Variants in MMAA observed in about 807,000 individuals in gnomAD.
MMAA encodes methylmalonic aciduria type A protein, mitochondrial.
A neutral mutation model predicts 45.0 loss-of-function variants in MMAA; 41 were observed. That is an observed-to-expected ratio of 0.91 (90% confidence interval 0.71 to 1.18). The LOEUF is 1.18. Ranked by LOEUF, MMAA falls within the 50% of genes most tolerant of loss-of-function variation. The pLI is 0.00. For synonymous variants in MMAA, 154 were observed against 178.2 expected, an observed-to-expected ratio of 0.86 and a Z score of 1.08; for missense variants, 460 against 495.7, an observed-to-expected ratio of 0.93 and a Z score of 0.68.
intron 4 of MMAA, 151 bp from the exon 5 acceptor site, chr4:145,650,910 AT>A: frequency 1.4e-6 from 1 of 721,616 alleles, no homozygotes; most frequent in Middle Eastern, 2.5e-4. Context: ...CATTTAATAC[AT>A]TCTTCAGAAG....
At chr4:145,630,342 T>C (rs995500940) in intron 1 of MMAA, among the ~76,000 whole-genome samples, 1 of 152,244 alleles carries the variant, frequency 6.6e-6, no homozygotes, top group African/African-American at 2.4e-5. Flanking sequence ...GTGCCAGTTG[T>C]AATGTCTCCT....
chr4:145,640,230 A>C (rs928949038), intron 2 of MMAA, among the ~76,000 whole-genome samples: 1 of 151,628 alleles, frequency 6.6e-6, no homozygotes, highest in Non-Finnish European at 1.5e-5. Flanking sequence ...CTCCTGCCTC[A>C]GCCTCCCGAG....
At chr4:145,646,569 G>A (rs1727932669) in intron 4 of MMAA, 1 of 214,530 alleles carries the variant, frequency 4.7e-6, no homozygotes, top group South Asian at 7.5e-5. Context: ...TATATCCTTA[G>A]CATATAGTTA....
intron 1 of MMAA, chr4:145,624,343 A>T (rs538640796): frequency 1.3e-6 from 1 of 786,746 alleles, no homozygotes; most frequent in East Asian, 2.4e-5. Context: ...TCTTCTCCAG[A>T]GGATAGCTGG....
chr4:145,655,623 C>G lies in MMAA; in HGVS notation c.*189C>G. Reference sequence around the variant, plus strand: ...AAAGTTAGGCAGTATTTATAAGGTACCTGTTTTATGTTACTGATATCTGTT... The same window carrying G: ...AAAGTTAGGCAGTATTTATAAGGTAGCTGTTTTATGTTACTGATATCTGTT... On this transcript the variant is annotated 3_prime_UTR_variant, in exon 7 of 7. Coordinates refer to ENST00000649156, the MANE Select transcript of MMAA (RefSeq NM_172250.3). 1.8e-6 allele frequency: 1 copy of G among 569,498 alleles called. No homozygotes were observed. Among genetic ancestry groups the G allele is most frequent in the Non-Finnish European group, 3.0e-6 (1 of 329,748 alleles). 35.3% of individuals were successfully genotyped at this position (569,498 alleles called of 1,614,324 possible). A position where few individuals can be genotyped will look rare whatever the true frequency, so the allele number is the denominator to read the frequency against.
intron 2 of MMAA, among the ~76,000 whole-genome samples, chr4:145,640,512 G>A (rs1727753515): frequency 6.6e-6 from 1 of 151,886 alleles, no homozygotes; most frequent in Admixed American, 6.6e-5. Flanking sequence ...ATCATCCTTG[G>A]CTAATTTTTT....
intron 3 of MMAA, among the ~76,000 whole-genome samples, chr4:145,645,455 A>T (rs1727902156): frequency 6.6e-6 from 1 of 152,232 alleles, no homozygotes; most frequent in Non-Finnish European, 1.5e-5. Context: ...TCCCAGTAGC[A>T]TATTACCCTT....
rs60186480 is a variant in MMAA at position 145,658,052 on chromosome 4, CCTCA to C, written c.*2622_*2625del. ...TAAAAGTGTGTGGCATCTCCCCATCCCTCACTCTATCACTTGCTCCTACTTTCGT... is the reference window on the plus strand; with the variant it reads ...TAAAAGTGTGTGGCATCTCCCCATCCCTCTATCACTTGCTCCTACTTTCGT... On this transcript the variant is annotated 3_prime_UTR_variant, in exon 7 of 7. Transcript: ENST00000649156. The C allele has an allele frequency of 0.16, 24,307 of 152,150 alleles. 2,320 individuals carry two copies. Among genetic ancestry groups the C allele is most frequent in the African/African-American group, 0.26 (10,951 of 41,388 alleles). The allele number at this position is 152,150 out of a possible 1,614,324, so 9.4% of individuals were successfully genotyped here. A position where few individuals can be genotyped will look rare whatever the true frequency, so the allele number is the denominator to read the frequency against.
intron 3 of MMAA, among the ~76,000 whole-genome samples, chr4:145,643,358 T>C (rs977238953): frequency 6.6e-6 from 1 of 152,206 alleles, no homozygotes; most frequent in Non-Finnish European, 1.5e-5. Context: ...TTACATCTTA[T>C]GCAGGAAACA....
Position 145,651,085 on chromosome 4 carries a change from G to A in MMAA, c.757G>A (p.Val253Ile), listed in dbSNP as rs748145761. ...TVGVGQSEFA[V>I]ADMVDMFVLL... ...AGGTGTGGGTCAGTCGGAGTTTGCT[G>A]TTGCTGACATGGTTGACATGTTTGT... The change falls in exon 5 of 7, where the codon GTT becomes ATT. Residue 253 changes from valine (V) to isoleucine (I), a missense_variant. Coordinates refer to ENST00000649156, the MANE Select transcript of MMAA (RefSeq NM_172250.3). 1.2e-6 allele frequency: 2 copies of A among 1,614,174 alleles called. No individual in the cohort carries two copies. The highest frequency in any genetic ancestry group is 1.7e-5 in the Admixed American group (1 of 60,022).
At chr4:145,649,508 A>G (rs574378756) in intron 4 of MMAA, among the ~76,000 whole-genome samples, 2 of 152,346 alleles carry the variant, frequency 1.3e-5, no homozygotes, top group African/African-American at 4.8e-5. Context: ...GGAAAGGGAA[A>G]TAAGGAAGCA....
rs1407894434 is a variant in MMAA, at chr4:145,656,762, T to G, written c.*1328T>G. 6.6e-6 allele frequency: 1 copy of G among 152,220 alleles called. No homozygotes were observed. The highest frequency in any genetic ancestry group is 1.5e-5 in the Non-Finnish European group (1 of 68,018). 9.4% of individuals were successfully genotyped at this position (152,220 alleles called of 1,614,324 possible). A position where few individuals can be genotyped will look rare whatever the true frequency, so the allele number is the denominator to read the frequency against. On this transcript the variant is annotated 3_prime_UTR_variant, in exon 7 of 7. Coordinates refer to ENST00000649156, the MANE Select transcript of MMAA (RefSeq NM_172250.3). ...TTATAGAAGTTTCTAACATATTCTA[T>G]TCTGAACCCTGTAGAATATTTTATG...
chr4:145,635,691 A>G (rs191643767), intron 1 of MMAA, among the ~76,000 whole-genome samples: 2 of 152,286 alleles, frequency 1.3e-5, no homozygotes, highest in East Asian at 3.9e-4. Flanking sequence ...TTGCTCTTAG[A>G]CTACATATGA....
At chr4:145,641,082 C>T (rs955810948) in intron 2 of MMAA, among the ~76,000 whole-genome samples, 2 of 152,120 alleles carry the variant, frequency 1.3e-5, no homozygotes, top group Non-Finnish European at 2.9e-5. Context: ...TTATACCAGT[C>T]CCCATTTTTC....
rs967827812 is a variant in MMAA at position 145,659,496 on chromosome 4, T to C, written c.*4062T>C. ...TTCTTGATAGAGTGAGGTGAGGGCA[T>C]ATGTAAGTCAGTAAACTATTCTGTT... On this transcript the variant is annotated 3_prime_UTR_variant, in exon 7 of 7. Coordinates refer to ENST00000649156, the MANE Select transcript of MMAA (RefSeq NM_172250.3). The C allele has an allele frequency of 2.0e-5, 3 of 152,216 alleles. No individual in the cohort carries two copies. The highest frequency in any genetic ancestry group is 7.2e-5 in the African/African-American group (3 of 41,450). 9.4% of individuals were successfully genotyped at this position (152,216 alleles called of 1,614,324 possible).
intron 1 of MMAA, among the ~76,000 whole-genome samples, chr4:145,635,928 G>A (rs1430696210): frequency 1.3e-5 from 2 of 152,182 alleles, no homozygotes; most frequent in Admixed American, 1.3e-4. Flanking sequence ...AGTAATGCCT[G>A]CCATAGAGAG....
intron 1 of MMAA, among the ~76,000 whole-genome samples, chr4:145,629,700 C>T (rs900621664): frequency 1.3e-5 from 2 of 152,152 alleles, no homozygotes; most frequent in African/African-American, 4.8e-5. Flanking sequence ...GGAGGCTTCA[C>T]AGTCATGGCG....
chr4:145,626,441 A>G (rs560231374), intron 1 of MMAA, among the ~76,000 whole-genome samples: 19 of 152,342 alleles, frequency 1.2e-4, no homozygotes, highest in African/African-American at 3.8e-4. Context: ...GGAGCAAAAA[A>G]CATTTTAAAA....
intron 4 of MMAA, among the ~76,000 whole-genome samples, chr4:145,648,147 C>CTTT (rs79060790): frequency 8.0e-6 from 1 of 125,182 alleles, no homozygotes; most frequent in Non-Finnish European, 1.7e-5. Context: ...CGTGCCTGGC[C>CTTT]TTTTTTTTTT....
Sources: allele counts gnomAD v4.1 joint callset (sites outside exome capture counted in the v4.1 genomes callset), GRCh38; gene constraint gnomAD v4.1.1; transcripts MANE v1.5; gene names NCBI Gene and HGNC (gene_info 2026-07-23, HGNC 2026-07-21).